The following ARHGAP15 variants were observed in gnomAD, a reference collection of about 807,000 sequenced individuals.
The protein encoded by ARHGAP15 is rho GTPase-activating protein 15.
A neutral mutation model predicts 63.7 loss-of-function variants in ARHGAP15; 51 were observed. The observed-to-expected ratio is 0.80, with a 90% CI of 0.64 to 1.01. ARHGAP15 has a LOEUF of 1.01. Among genes scored for constraint, ARHGAP15 ranks in the 50% least tolerant of loss-of-function variants. ARHGAP15 has a pLI of 0.00. For synonymous variants in ARHGAP15, 191 were observed against 193.8 expected (o/e 0.99, Z 0.12); for missense variants, 560 against 564.6 (o/e 0.99, Z 0.08).
intron 12 of ARHGAP15, among the ~76,000 whole-genome samples, chr2:143,641,475 A>G (rs1229345144): frequency 6.6e-6 from 1 of 152,138 alleles, no homozygotes; most frequent in Non-Finnish European, 1.5e-5. Context: ...AGAAAATAGC[A>G]TTCTCCTGCT....
chr2:143,378,256 G>A (rs1415175606), intron 6 of ARHGAP15, among the ~76,000 whole-genome samples: 2 of 151,946 alleles, frequency 1.3e-5, no homozygotes, highest in Non-Finnish European at 2.9e-5. Flanking sequence ...CTTGTAGGTG[G>A]TTAGAAATTC....
chr2:143,694,475 T>C (rs530289574), intron 12 of ARHGAP15, among the ~76,000 whole-genome samples: 1 of 152,298 alleles, frequency 6.6e-6, no homozygotes, highest in Admixed American at 6.5e-5. Context: ...CAGTTTTTTT[T>C]CCGATGATAA....
At chr2:143,206,475 G>A (rs910301308) in intron 3 of ARHGAP15, among the ~76,000 whole-genome samples, 5 of 151,844 alleles carry the variant, frequency 3.3e-5, no homozygotes, top group Non-Finnish European at 4.4e-5. Flanking sequence ...AATTAATTAC[G>A]TGGATCTCAA....
intron 13 of ARHGAP15, among the ~76,000 whole-genome samples, chr2:143,742,159 T>TA (rs1485281733): frequency 6.6e-6 from 1 of 151,936 alleles, no homozygotes; most frequent in Non-Finnish European, 1.5e-5. Flanking sequence ...CCAGAGGCAA[T>TA]AAAAAAAGGA....
chr2:143,339,170 G>A (rs201837456), intron 6 of ARHGAP15, among the ~76,000 whole-genome samples: 2 of 152,090 alleles, frequency 1.3e-5, no homozygotes, highest in East Asian at 1.9e-4. Context: ...TGTTGTTTTT[G>A]TTGCTGTGGT....
chr2:143,276,946 A>G (rs1681589835), intron 6 of ARHGAP15, among the ~76,000 whole-genome samples: 1 of 152,166 alleles, frequency 6.6e-6, no homozygotes, highest in Admixed American at 6.6e-5. Flanking sequence ...ATGAGCAAAA[A>G]CTTCAGAGTG....
chr2:143,220,789 C>T (rs190141330), intron 4 of ARHGAP15, among the ~76,000 whole-genome samples: 1 of 152,004 alleles, frequency 6.6e-6, no homozygotes, highest in South Asian at 2.1e-4. Context: ...TATCAAGGAC[C>T]TTTGTATCTT....
intron 13 of ARHGAP15, among the ~76,000 whole-genome samples, chr2:143,725,617 T>A (rs1415332769): frequency 1.3e-5 from 2 of 152,222 alleles, no homozygotes; most frequent in Non-Finnish European, 2.9e-5. Flanking sequence ...AAATGAATAA[T>A]GCCTTAGACA....
At chr2:143,246,673 G>T (rs774516410) in intron 5 of ARHGAP15, among the ~76,000 whole-genome samples, 1 of 152,014 alleles carries the variant, frequency 6.6e-6, no homozygotes, top group Non-Finnish European at 1.5e-5. Flanking sequence ...GAGAGGGCAG[G>T]TGGAGGGGGT....
chr2:143,206,693 T>A (rs1692343043), intron 3 of ARHGAP15, among the ~76,000 whole-genome samples: 1 of 152,126 alleles, frequency 6.6e-6, no homozygotes, highest in South Asian at 2.1e-4. Flanking sequence ...CTATTAAAAC[T>A]TCGTATAAAG....
At chr2:143,531,163 T>A (rs1483750140) in intron 10 of ARHGAP15, among the ~76,000 whole-genome samples, 1 of 152,142 alleles carries the variant, frequency 6.6e-6, no homozygotes. Context: ...GTAGCTTTAA[T>A]ATCCTAACTG....
chr2:143,350,968 C>T (rs1462767132), intron 6 of ARHGAP15: 1 of 150,430 alleles, frequency 6.6e-6, no homozygotes, highest in Admixed American at 6.6e-5. Context: ...ATTAAAATAT[C>T]TATTATAGTA....
intron 12 of ARHGAP15, among the ~76,000 whole-genome samples, chr2:143,698,442 T>C (rs1407141301): frequency 6.6e-6 from 1 of 152,228 alleles, no homozygotes; most frequent in African/African-American, 2.4e-5. Context: ...CACATTCTTA[T>C]CATAACATTA....
chr2:143,388,422 A>G (rs1687393860), intron 6 of ARHGAP15, among the ~76,000 whole-genome samples: 3 of 152,198 alleles, frequency 2.0e-5, no homozygotes, highest in Admixed American at 6.5e-5. Flanking sequence ...CTGAATTGGC[A>G]CTCTAACGAA....
chr2:143,280,175 A>G (rs1291052019), intron 6 of ARHGAP15, among the ~76,000 whole-genome samples: 1 of 152,192 alleles, frequency 6.6e-6, no homozygotes, highest in African/African-American at 2.4e-5. Context: ...GCTTTCTTTT[A>G]AAAAGATAAA....
At chr2:143,336,234 A>C (rs7560287) in intron 6 of ARHGAP15, among the ~76,000 whole-genome samples, 97,201 of 151,904 alleles carry the variant, frequency 0.64, 34,228 homozygotes, top group East Asian at 0.98. Flanking sequence ...CAGCTTGTAA[A>C]TGTTATGCCA....
rs534302232 is a variant in ARHGAP15, at chr2:143,476,593, C to T, written c.704-10780C>T. Among the ~76,000 whole-genome samples the T allele has an allele frequency of 4.6e-5, 7 of 152,244 alleles. No homozygotes were observed. The East Asian group carries it at 1.4e-3, about 29-fold the overall frequency. ...AACACTTTCTTTCCCACAACTTAAA[C>T]ATATACACAATACTTAAAATAGTTT... is the stretch of plus-strand genomic sequence containing the variant. On this transcript the variant is annotated intron_variant, in intron 8 of 13. Coordinates refer to ENST00000295095, the MANE Select transcript of ARHGAP15 (RefSeq NM_018460.4).
intron 12 of ARHGAP15, among the ~76,000 whole-genome samples, chr2:143,646,799 G>A (rs892884169): frequency 6.6e-6 from 1 of 152,004 alleles, no homozygotes; most frequent in Admixed American, 6.6e-5. Context: ...TCATGCAGTA[G>A]ATGCTCTGAC....
chr2:143,327,206 AT>A (rs1325644936), intron 6 of ARHGAP15, among the ~76,000 whole-genome samples: 1 of 152,238 alleles, frequency 6.6e-6, no homozygotes, highest in African/African-American at 2.4e-5. Context: ...CTTACAATGG[AT>A]ATGAAGGAGC....
Sources: gnomAD v4.1 joint callset for allele counts (sites outside exome capture counted in the v4.1 genomes callset) on GRCh38, gnomAD v4.1.1 for gene constraint, MANE v1.5 for transcripts, NCBI Gene and HGNC (gene_info 2026-07-23, HGNC 2026-07-21) for gene names.